Variants in INO80 observed in about 807,000 individuals in gnomAD.
INO80 encodes chromatin-remodeling ATPase INO80.
INO80 carries 20 observed loss-of-function variants against 203.4 expected under a neutral mutation model. The observed-to-expected ratio is 0.10, with a 90% confidence interval of 0.07 to 0.14. The LOEUF is 0.14. Among genes scored for constraint, INO80 ranks in the 10% least tolerant of loss-of-function variants. The pLI, the probability that INO80 is intolerant of heterozygous loss-of-function variation, is 1.00. For synonymous variants in INO80, 726 were observed against 685.2 expected (o/e 1.06, Z -0.93); for missense variants, 1,419 against 1,914.4 (o/e 0.74, Z 4.83).
intron 14 of INO80, 30 bp downstream of exon 14, chr15:41,069,540 A>G (rs755012127): frequency 8.1e-7 from 1 of 1,239,780 alleles, no homozygotes; most frequent in Non-Finnish European, 1.2e-6. Flanking sequence ...TTTAAAGAGC[A>G]ATAGATGTTT....
At chr15:40,990,104 C>A (rs2043796419) in intron 29 of INO80, among the ~76,000 whole-genome samples, 1 of 151,676 alleles carries the variant, frequency 6.6e-6, no homozygotes, top group Non-Finnish European at 1.5e-5. Flanking sequence ...ATATCTCTCA[C>A]TGAATTCTAA....
At chr15:40,989,750 A>C (rs2043792414) in intron 29 of INO80, among the ~76,000 whole-genome samples, 1 of 152,060 alleles carries the variant, frequency 6.6e-6, no homozygotes, top group Admixed American at 6.5e-5. Context: ...AACTCTCCTA[A>C]ATAATCAGGC....
chr15:41,115,625 C>T (rs949479282), intron 1 of INO80, among the ~76,000 whole-genome samples: 10 of 152,200 alleles, frequency 6.6e-5, no homozygotes, highest in Admixed American at 5.9e-4. Context: ...CTGCCCACCC[C>T]CAAACCTACA....
chr15:41,069,729 A>G, intron 13 of INO80, 64 bp from the exon 14 acceptor site: 2 of 882,648 alleles, frequency 2.3e-6, no homozygotes, highest in South Asian at 3.1e-5. Context: ...TCAAAATTAT[A>G]ATTAATGACA....
At chr15:41,090,748 T>C (rs1387401204) in intron 5 of INO80, among the ~76,000 whole-genome samples, 1 of 151,910 alleles carries the variant, frequency 6.6e-6, no homozygotes, top group Non-Finnish European at 1.5e-5. Context: ...AAACACTGAA[T>C]TGCACACTAT....
At chr15:41,095,278 T>C (rs183162520) in intron 4 of INO80, among the ~76,000 whole-genome samples, 3 of 151,970 alleles carry the variant, frequency 2.0e-5, no homozygotes, top group Admixed American at 6.6e-5. Flanking sequence ...GAGGCGGAGG[T>C]TGCAGTGAGC....
chr15:41,078,384 T>A (rs79677411), intron 9 of INO80, among the ~76,000 whole-genome samples: 1 of 152,204 alleles, frequency 6.6e-6, no homozygotes, highest in Non-Finnish European at 1.5e-5. Context: ...ATCTAGAATA[T>A]AGGCCAAGTT....
At chr15:41,004,096 T>C (rs1262475024) in intron 28 of INO80, among the ~76,000 whole-genome samples, 1 of 152,242 alleles carries the variant, frequency 6.6e-6, no homozygotes, top group Non-Finnish European at 1.5e-5. Context: ...GGAGGCACAA[T>C]GCTTATGTTT....
chr15:41,112,847 C>T (rs1346502918), intron 1 of INO80, among the ~76,000 whole-genome samples: 1 of 150,318 alleles, frequency 6.7e-6, no homozygotes, highest in Non-Finnish European at 1.5e-5. Flanking sequence ...AACTTAGTCT[C>T]CTATTAACCC....
At chr15:41,109,775 T>C (rs1467515144) in intron 1 of INO80, among the ~76,000 whole-genome samples, 1 of 151,566 alleles carries the variant, frequency 6.6e-6, no homozygotes, top group Non-Finnish European at 1.5e-5. Context: ...CTACTAAAAA[T>C]ATGAAAATTA....
intron 9 of INO80, among the ~76,000 whole-genome samples, chr15:41,077,254 C>T (rs1219065178): frequency 6.8e-6 from 1 of 146,186 alleles, no homozygotes; most frequent in Non-Finnish European, 1.5e-5. Flanking sequence ...ATTATTGGTC[C>T]AAGAGTCATT....
chr15:41,041,768 C>T (rs1471086957), intron 24 of INO80, among the ~76,000 whole-genome samples: 1 of 151,768 alleles, frequency 6.6e-6, no homozygotes, highest in Non-Finnish European at 1.5e-5. Flanking sequence ...TATTCAGAAC[C>T]TAGGCTAACC....
chr15:40,998,312 T>C (rs1350046891), intron 28 of INO80, among the ~76,000 whole-genome samples: 1 of 151,978 alleles, frequency 6.6e-6, no homozygotes, highest in South Asian at 2.1e-4. Context: ...CGAGCCACCG[T>C]GCGGGGCCCC....
chr15:41,026,535 A>G (rs1450656474), intron 25 of INO80, among the ~76,000 whole-genome samples: 1 of 152,030 alleles, frequency 6.6e-6, no homozygotes, highest in Non-Finnish European at 1.5e-5. Flanking sequence ...GCTGGGTAAC[A>G]GAGTGAAACC....
chr15:41,109,284 T>A (rs2045925987), intron 1 of INO80: 1 of 151,146 alleles, frequency 6.6e-6, no homozygotes, highest in Non-Finnish European at 1.5e-5. Flanking sequence ...TGAAACCCCA[T>A]CTCTACTAAA....
intron 23 of INO80, among the ~76,000 whole-genome samples, chr15:41,046,063 C>T (rs2044753047): frequency 6.6e-6 from 1 of 151,438 alleles, no homozygotes; most frequent in Non-Finnish European, 1.5e-5. Context: ...AAATGAATCA[C>T]CAGCCTCCGT....
chr15:41,110,108 A>G (rs2140711791), intron 1 of INO80, among the ~76,000 whole-genome samples: 1 of 151,412 alleles, frequency 6.6e-6, no homozygotes, highest in South Asian at 2.1e-4. Flanking sequence ...AAAAAAAAAG[A>G]AAACTGGCTG....
In INO80 at chr15:40,979,070, G is replaced by A. The variant is rs529314300; in HGVS notation, c.*1153C>T. 2 of 152,600 alleles carry A rather than the reference G, an allele frequency of 1.3e-5. No homozygotes were observed. The highest frequency in any genetic ancestry group is 2.1e-4 in the South Asian group (1 of 4,806). 9.5% of individuals were successfully genotyped at this position (152,600 alleles called of 1,614,324 possible). On this transcript the variant is annotated 3_prime_UTR_variant, in exon 36 of 36. Coordinates refer to ENST00000648947, the MANE Select transcript of INO80 (RefSeq NM_017553.3). The stretch of plus-strand genomic sequence containing the variant: ...ACACAGGAATCTGGGTTTGAGCAGG[G>A]GAATCTTAATGATTTAAATTAAATG...
chr15:41,079,829 G>A lies in INO80; in HGVS notation c.1003C>T (p.Arg335Cys). 1.9e-6 allele frequency: 3 copies of A among 1,614,078 alleles called. No individual in the cohort carries two copies. The highest frequency in any genetic ancestry group is 2.5e-6 in the Non-Finnish European group (3 of 1,180,002). ...ATCTCCTTGGTGAGGCGGCGGGCAC[G>A]AGGCAAGGTTTCCTTACAGTTCTTC... ...AQKNCKETLP[R>C]ARRLTKEMLL... The change falls in exon 9 of 36, where the codon CGT becomes TGT. Residue 335 changes from arginine (R) to cysteine (C), a missense_variant. Physicochemically the swap from Arg to Cys is radical, Grantham distance 180. Around this residue, in one of 9 missense-constraint regions of INO80, gnomAD observed 87 missense variants for 150.5 expected, o/e 0.58. Coordinates refer to ENST00000648947, the MANE Select transcript of INO80 (RefSeq NM_017553.3).
Sources: gnomAD v4.1 joint callset for allele counts (sites outside exome capture counted in the v4.1 genomes callset) on GRCh38, gnomAD v4.1.1 for gene constraint, gnomAD v4.1.1 regional missense constraint, MANE v1.5 for transcripts, NCBI Gene and HGNC (gene_info 2026-07-23, HGNC 2026-07-21) for gene names.